The following PTPRD variants were observed in gnomAD, a reference collection of about 807,000 sequenced individuals.
PTPRD encodes receptor-type tyrosine-protein phosphatase delta.
A neutral mutation model predicts 214.5 loss-of-function variants in PTPRD; 34 were observed. The ratio of observed to expected loss-of-function variants is 0.16; its 90% CI spans 0.12 to 0.21. The LOEUF is 0.21. PTPRD is among the 10% of genes least tolerant of loss of function. PTPRD has a pLI of 1.00. For missense variants in PTPRD, 2,545 were observed against 2,398.7 expected (o/e 1.06, Z -1.27); for synonymous variants, 1,128 against 845.7 (o/e 1.33, Z -5.79).
chr9:8,531,517 C>T (rs908932781), intron 14 of PTPRD, among the ~76,000 whole-genome samples: 3 of 152,052 alleles, frequency 2.0e-5, no homozygotes, highest in Admixed American at 6.6e-5. Context: ...CCAACTATAC[C>T]GCCTTCATAA....
intron 11 of PTPRD, among the ~76,000 whole-genome samples, chr9:8,832,800 C>A (rs1459244263): frequency 6.6e-6 from 1 of 151,778 alleles, no homozygotes; most frequent in Non-Finnish European, 1.5e-5. Flanking sequence ...CTCTCTGGCT[C>A]TTGCTCTCTC....
At chr9:8,829,803 G>C (rs1601189828) in intron 11 of PTPRD, among the ~76,000 whole-genome samples, 2 of 152,232 alleles carry the variant, frequency 1.3e-5, no homozygotes, top group African/African-American at 4.8e-5. Context: ...ATAATCTTCA[G>C]CAGGTCATTT....
intron 3 of PTPRD, among the ~76,000 whole-genome samples, chr9:10,102,416 C>T (rs832263): frequency 0.41 from 61,253 of 151,026 alleles, 13,260 homozygotes; most frequent in East Asian, 0.53. Context: ...ATAAAAAAAC[C>T]CACTAAACTT....
intron 3 of PTPRD, among the ~76,000 whole-genome samples, chr9:10,143,746 C>G (rs1408622566): frequency 6.6e-6 from 1 of 152,030 alleles, no homozygotes; most frequent in Non-Finnish European, 1.5e-5. Context: ...AAATTATGTC[C>G]TTTGCAGCAA....
intron 10 of PTPRD, among the ~76,000 whole-genome samples, chr9:9,058,666 G>A (rs577192970): frequency 1.5e-3 from 227 of 151,034 alleles, no homozygotes; most frequent in Non-Finnish European, 2.4e-3. Context: ...AGCCAGGATG[G>A]TCTCGATCTC....
At chr9:10,227,986 A>G (rs936134522) in intron 3 of PTPRD, among the ~76,000 whole-genome samples, 5 of 152,014 alleles carry the variant, frequency 3.3e-5, no homozygotes, top group African/African-American at 1.2e-4. Flanking sequence ...TCTTGTTAAT[A>G]TAACTACAGA....
intron 12 of PTPRD, among the ~76,000 whole-genome samples, chr9:8,683,698 G>T (rs1463125801): frequency 6.6e-6 from 1 of 152,180 alleles, no homozygotes; most frequent in Non-Finnish European, 1.5e-5. Flanking sequence ...TCTGGGCACA[G>T]GGTTGTGACA....
At chr9:9,691,481 C>T (rs1447621943) in intron 7 of PTPRD, among the ~76,000 whole-genome samples, 2 of 151,976 alleles carry the variant, frequency 1.3e-5, no homozygotes. Flanking sequence ...CTTTTTATGG[C>T]TGAATAGTAC....
At chr9:10,122,684 T>C (rs1188588122) in intron 3 of PTPRD, among the ~76,000 whole-genome samples, 1 of 152,226 alleles carries the variant, frequency 6.6e-6, no homozygotes, top group Non-Finnish European at 1.5e-5. Flanking sequence ...TTAAAATTTA[T>C]GCATCTAAAT....
At chr9:9,435,475 C>T (rs902950389) in intron 8 of PTPRD, among the ~76,000 whole-genome samples, 8 of 152,058 alleles carry the variant, frequency 5.3e-5, no homozygotes, top group Non-Finnish European at 1.0e-4. Flanking sequence ...ATGACTGTGC[C>T]ACCACACTCC....
intron 4 of PTPRD, among the ~76,000 whole-genome samples, chr9:9,946,214 A>C (rs1469218017): frequency 1.3e-5 from 2 of 152,154 alleles, no homozygotes; most frequent in Non-Finnish European, 2.9e-5. Context: ...AAACACAAGC[A>C]ATTATACATC....
At chr9:10,561,094 C>A (rs553033391) in intron 2 of PTPRD, among the ~76,000 whole-genome samples, 1 of 152,032 alleles carries the variant, frequency 6.6e-6, no homozygotes, top group Non-Finnish European at 1.5e-5. Context: ...GACTTCAATG[C>A]AAAAATGACA....
At chr9:9,809,128 G>C (rs1470414457) in intron 5 of PTPRD, among the ~76,000 whole-genome samples, 1 of 151,698 alleles carries the variant, frequency 6.6e-6, no homozygotes, top group Non-Finnish European at 1.5e-5. Context: ...CCTTCTTTTG[G>C]GTCTCATATT....
chr9:8,494,017 C>CAA (rs1350414617), intron 26 of PTPRD, among the ~76,000 whole-genome samples: 8 of 150,500 alleles, frequency 5.3e-5, no homozygotes, highest in Non-Finnish European at 1.0e-4. Context: ...GACACACACA[C>CAA]ACACACACAC....
chr9:9,033,322 C>T (rs1052876931), intron 10 of PTPRD, among the ~76,000 whole-genome samples: 1 of 152,068 alleles, frequency 6.6e-6, no homozygotes, highest in African/African-American at 2.4e-5. Context: ...GGAGGAAACA[C>T]AGGCCTAAGA....
chr9:9,709,319 T>C (rs1490126811), intron 7 of PTPRD, among the ~76,000 whole-genome samples: 2 of 151,996 alleles, frequency 1.3e-5, no homozygotes, highest in African/African-American at 4.8e-5. Context: ...TATCATCAAC[T>C]AATATGACTT....
chr9:10,509,930 G>C (rs1230170972), intron 2 of PTPRD, among the ~76,000 whole-genome samples: 14 of 151,936 alleles, frequency 9.2e-5, no homozygotes, highest in African/African-American at 3.4e-4. Flanking sequence ...CAATGCCAAT[G>C]AGCATCACGA....
chr9:9,109,417 T>C (rs1051852406), intron 10 of PTPRD, among the ~76,000 whole-genome samples: 1 of 152,132 alleles, frequency 6.6e-6, no homozygotes. Flanking sequence ...AACTGTTTGA[T>C]CTTGAATAAG....
intron 12 of PTPRD, among the ~76,000 whole-genome samples, chr9:8,714,927 C>T (rs1436535550): frequency 2.0e-5 from 3 of 151,948 alleles, no homozygotes; most frequent in East Asian, 1.9e-4. Context: ...CCCTAGAATG[C>T]GACCTTAATG....
Sources: gnomAD v4.1 joint callset for allele counts (sites outside exome capture counted in the v4.1 genomes callset) on GRCh38, gnomAD v4.1.1 for gene constraint, MANE v1.5 for transcripts, NCBI Gene and HGNC (gene_info 2026-07-23, HGNC 2026-07-21) for gene names.